KIAA0232: variants seen among roughly 807,000 people sequenced by gnomAD.
The protein encoded by KIAA0232 is uncharacterized protein KIAA0232.
A neutral mutation model predicts 122.0 loss-of-function variants in KIAA0232; 27 were observed. That is an observed-to-expected ratio of 0.22 (90% confidence interval 0.16 to 0.31). KIAA0232 has a LOEUF of 0.31. Among genes scored for constraint, KIAA0232 ranks in the 10% least tolerant of loss-of-function variants. The pLI is 1.00. For synonymous variants in KIAA0232, 613 were observed against 587.6 expected (o/e 1.04, Z -0.63); for missense variants, 1,551 against 1,634.2 (o/e 0.95, Z 0.88).
intron 3 of KIAA0232, among the ~76,000 whole-genome samples, chr4:6,839,919 C>G (rs1347686249): frequency 1.3e-5 from 2 of 152,052 alleles, no homozygotes; most frequent in African/African-American, 4.8e-5. Context: ...TGGAGCGGCT[C>G]ATTTTTTAGG....
Position 6,864,267 on chromosome 4 carries a change from G to A in KIAA0232, c.3801+84G>A, listed in dbSNP as rs1721048093. ...CAGACATGCCAGTCAATGAAAGATAGGGTTAAATTATTGGGAAATTAGCTT... is the reference window on the plus strand; with the variant it reads ...CAGACATGCCAGTCAATGAAAGATAAGGTTAAATTATTGGGAAATTAGCTT... On this transcript the variant is annotated intron_variant, in intron 7 of 9. Coordinates refer to ENST00000307659, the MANE Select transcript of KIAA0232 (RefSeq NM_014743.3). 5.7e-6 allele frequency: 8 copies of A among 1,409,368 alleles called. No individual in the cohort carries two copies. In the South Asian group the frequency reaches 1.0e-4, roughly 18 times the overall value. 87.3% of individuals were successfully genotyped at this position (1,409,368 alleles called of 1,614,324 possible). A position where few individuals can be genotyped will look rare whatever the true frequency, so the allele number is the denominator to read the frequency against.
At chr4:6,838,988 G>T (rs376311550) in intron 3 of KIAA0232, among the ~76,000 whole-genome samples, 20 of 152,208 alleles carry the variant, frequency 1.3e-4, no homozygotes, top group African/African-American at 4.6e-4. Flanking sequence ...AATTAGCCAG[G>T]TGTGGTGGCG....
chr4:6,816,314 G>A (rs1222753340), intron 2 of KIAA0232, among the ~76,000 whole-genome samples: 3 of 147,962 alleles, frequency 2.0e-5, no homozygotes, highest in East Asian at 2.0e-4. Context: ...ACGGAGCCTC[G>A]CTCTGTTGCC....
At position 6,827,302 on chromosome 4, in the gene KIAA0232, C is replaced by T. The variant is rs115673333; in HGVS notation, c.231+2618C>T. On this transcript the variant is annotated intron_variant, in intron 3 of 9. Transcript: ENST00000307659. ...CTGACTCAAAGGGAGGATGTACTTA[C>T]GGTTTCCCCAGGCAGAGAGGATGCG... 3.3e-3 allele frequency among the ~76,000 whole-genome samples: 498 copies of T among 152,292 alleles called. 2 individuals carry two copies. Among genetic ancestry groups the T allele is most frequent in the Non-Finnish European group, 5.5e-3 (373 of 68,028 alleles).
chr4:6,861,261 T>C lies in KIAA0232; in HGVS notation c.879T>C (p.Ser293=), dbSNP rs1275331693. The C allele has an allele frequency of 6.2e-7, 1 of 1,614,082 alleles. No homozygotes were observed. ...CTCGCTCGTGGTCTTCTGGCTCCAG[T>C]GAAGCAGGCTCAAGTTCCAGTGGGA... is the stretch of plus-strand genomic sequence containing the variant. ...IRPRSWSSGS[S]EAGSSSSGNQ... is the part of the protein sequence containing the mutation. Residue 293 remains serine (S), a synonymous_variant, in exon 7 of 10, where the codon AGT becomes AGC. Coordinates refer to ENST00000307659, the MANE Select transcript of KIAA0232 (RefSeq NM_014743.3).
chr4:6,837,695 C>G (rs1053523444), intron 3 of KIAA0232, among the ~76,000 whole-genome samples: 2 of 152,248 alleles, frequency 1.3e-5, no homozygotes, highest in Admixed American at 6.5e-5. Flanking sequence ...GCAGATCACT[C>G]GCGGTCAGAA....
At chr4:6,869,292 T>C (rs1274102703) in intron 7 of KIAA0232, among the ~76,000 whole-genome samples, 2 of 152,180 alleles carry the variant, frequency 1.3e-5, no homozygotes, top group African/African-American at 2.4e-5. Flanking sequence ...GCAAAGAGCT[T>C]TTTCTTTCTC....
At chr4:6,821,250 T>G (rs1332414327) in intron 2 of KIAA0232, among the ~76,000 whole-genome samples, 2 of 152,160 alleles carry the variant, frequency 1.3e-5, no homozygotes, top group Non-Finnish European at 2.9e-5. Flanking sequence ...CATAGGTTTT[T>G]GGGGAACAGG....
intron 2 of KIAA0232, among the ~76,000 whole-genome samples, chr4:6,816,894 A>G (rs1219720747): frequency 1.3e-5 from 2 of 152,100 alleles, no homozygotes; most frequent in East Asian, 1.9e-4. Flanking sequence ...AGTTTTTCTA[A>G]TATGCCTTAT....
chr4:6,878,071 T>A (rs182196354), intron 9 of KIAA0232, among the ~76,000 whole-genome samples: 2 of 152,254 alleles, frequency 1.3e-5, no homozygotes, highest in Admixed American at 6.5e-5. Flanking sequence ...AATGCTGATA[T>A]GAAGTCAATA....
At chr4:6,810,992 T>C (rs1220737301) in intron 2 of KIAA0232, among the ~76,000 whole-genome samples, 1 of 152,146 alleles carries the variant, frequency 6.6e-6, no homozygotes, top group African/African-American at 2.4e-5. Flanking sequence ...CTCTTAAAGA[T>C]TTTTGGTGGG....
At chr4:6,877,939 T>C (rs537538166) in intron 9 of KIAA0232, among the ~76,000 whole-genome samples, 69 of 152,184 alleles carry the variant, frequency 4.5e-4, no homozygotes, top group Admixed American at 9.2e-4. Flanking sequence ...AAATTATATG[T>C]AATCTTCAAA....
At chr4:6,824,742 C>T in intron 3 of KIAA0232, 58 bp downstream of exon 3, 4 of 1,404,692 alleles carry the variant, frequency 2.8e-6, no homozygotes, top group Non-Finnish European at 3.0e-6. Flanking sequence ...GTATACATTC[C>T]TCTTAAACAA....
intron 1 of KIAA0232, among the ~76,000 whole-genome samples, chr4:6,799,861 A>G (rs1372536955): frequency 6.7e-6 from 1 of 150,368 alleles, no homozygotes; most frequent in Non-Finnish European, 1.5e-5. Flanking sequence ...CTCCCGGCTA[A>G]TTTTTGTATT....
At position 6,875,973 on chromosome 4, in the gene KIAA0232, T is replaced by G. The variant is rs533218840; in HGVS notation, c.3911-687T>G. On this transcript the variant is annotated intron_variant, in intron 8 of 9. Coordinates refer to ENST00000307659, the MANE Select transcript of KIAA0232 (RefSeq NM_014743.3). ...GTTCATTTGGAATCTCTGGCAGGAGTCTAAGCCTCTCTAAAGCCCCCAGAT... is the reference window on the plus strand; with the variant it reads ...GTTCATTTGGAATCTCTGGCAGGAGGCTAAGCCTCTCTAAAGCCCCCAGAT... Among the ~76,000 whole-genome samples, 480 of 152,042 alleles carry G rather than the reference T, an allele frequency of 3.2e-3. 3 individuals are homozygous for G. The highest frequency in any genetic ancestry group is 0.011 in the African/African-American group (475 of 41,460).
intron 8 of KIAA0232, among the ~76,000 whole-genome samples, chr4:6,873,749 C>A (rs548449302): frequency 1.3e-5 from 2 of 152,296 alleles, no homozygotes; most frequent in South Asian, 4.1e-4. Context: ...GAGAAACTCT[C>A]AGTGCATAAA....
At chr4:6,859,201 A>G (rs1427106101) in intron 6 of KIAA0232, among the ~76,000 whole-genome samples, 1 of 151,954 alleles carries the variant, frequency 6.6e-6, no homozygotes, top group Non-Finnish European at 1.5e-5. Flanking sequence ...GAGGGAACAT[A>G]GGCAATCCTT....
At chr4:6,803,170 ATACTT>A (rs1257383779) in intron 1 of KIAA0232, among the ~76,000 whole-genome samples, 1 of 150,466 alleles carries the variant, frequency 6.6e-6, no homozygotes, top group Non-Finnish European at 1.5e-5. Flanking sequence ...TGACAGAAGA[ATACTT>A]TACCTCTTGA....
chr4:6,856,249 C>G (rs745967330), intron 4 of KIAA0232, among the ~76,000 whole-genome samples: 1 of 152,188 alleles, frequency 6.6e-6, no homozygotes, highest in Non-Finnish European at 1.5e-5. Context: ...TAGCAGAACT[C>G]TCCATCACGC....
Sources: allele counts gnomAD v4.1 joint callset (sites outside exome capture counted in the v4.1 genomes callset), GRCh38; gene constraint gnomAD v4.1.1; transcripts MANE v1.5; gene names NCBI Gene and HGNC (gene_info 2026-07-23, HGNC 2026-07-21).